SRPX: variants seen among roughly 807,000 people sequenced by gnomAD.
SRPX encodes the protein sushi repeat-containing protein SRPX.
SRPX carries 24 observed loss-of-function variants against 38.1 expected under a neutral mutation model. The observed-to-expected ratio is 0.63, with a 90% CI of 0.46 to 0.89. The LOEUF (loss-of-function observed/expected upper bound fraction) is 0.89. Among genes scored for constraint, SRPX ranks in the 40% least tolerant of loss-of-function variants. The probability of loss-of-function intolerance (pLI) is 0.00; values close to 1 mark genes in which losing one functional copy is unlikely to be tolerated. For synonymous variants in SRPX, 184 were observed against 153.8 expected, an observed-to-expected ratio of 1.20 and a Z score of -1.45; for missense variants, 416 against 377.8, an observed-to-expected ratio of 1.10 and a Z score of -0.84.
At chrX:38,220,498 G>T (rs1939496561) in intron 1 of SRPX, among the ~76,000 whole-genome samples, 198 bp downstream of exon 1, 1 of 113,786 alleles carries the variant, frequency 8.8e-6, no homozygotes, top group Admixed American at 9.2e-5. Context: ...CTGGAGATGG[G>T]ATGGTCAGTT....
intron 8 of SRPX, among the ~76,000 whole-genome samples, chrX:38,156,271 C>A (rs988789772): frequency 3.6e-5 from 4 of 111,707 alleles, no homozygotes; most frequent in African/African-American, 1.3e-4. Context: ...TGTTGGTTGC[C>A]TCATTTAGTA....
In SRPX at chrX:38,160,060, A is replaced by C; in HGVS notation, c.912T>G (p.Cys304Trp). ...YELQGSPARV[C>W]QSNLAWSGTE... ...TGCCAGACCAAGCCAGGTTGGATTG[A>C]CATACTCGGGCAGGGCTACCCTGGA... The change falls in exon 7 of 10, where the codon TGT (cysteine) becomes TGG (tryptophan). Residue 304 changes from cysteine (C) to tryptophan (W), a missense_variant. Cys to Trp is a radical substitution (Grantham distance 215). Transcript: ENST00000378533. 1 of 1,211,305 alleles carries C rather than the reference A, an allele frequency of 8.3e-7. No individual in the cohort carries two copies.
At chrX:38,207,699 C>G (rs1176583494) in intron 1 of SRPX, among the ~76,000 whole-genome samples, 1 of 112,263 alleles carries the variant, frequency 8.9e-6, no homozygotes, top group African/African-American at 3.2e-5. Flanking sequence ...ATACACTGAG[C>G]TGGAGAAGAG....
intron 1 of SRPX, among the ~76,000 whole-genome samples, chrX:38,195,164 T>C (rs1288513104): frequency 9.0e-6 from 1 of 110,664 alleles, no homozygotes; most frequent in East Asian, 2.8e-4. Context: ...TGAGCCACTT[T>C]ACCCGGCTGT....
intron 1 of SRPX, among the ~76,000 whole-genome samples, chrX:38,195,724 C>T (rs1400524494): frequency 8.9e-6 from 1 of 111,763 alleles, no homozygotes; most frequent in African/African-American, 3.3e-5. Context: ...GCCTTCCCAG[C>T]CTACTCCCAA....
chrX:38,174,396 C>A (rs747259693), intron 2 of SRPX, 45 bp from the exon 3 acceptor site: 1 of 968,587 alleles, frequency 1.0e-6, no homozygotes, highest in African/African-American at 2.0e-5. Context: ...TGAAATGACA[C>A]TTTCAGAAAA....
chrX:38,162,960 T>G (rs1422285871), intron 5 of SRPX, among the ~76,000 whole-genome samples: 2 of 112,691 alleles, frequency 1.8e-5, no homozygotes, highest in Non-Finnish European at 3.8e-5. Context: ...TCACACAGGT[T>G]TTTTCAACAG....
At chrX:38,172,849 C>T (rs1001562052) in intron 3 of SRPX, among the ~76,000 whole-genome samples, 2 of 112,785 alleles carry the variant, frequency 1.8e-5, no homozygotes, top group African/African-American at 3.2e-5. Flanking sequence ...AGGCTGCTCA[C>T]AGGAGATGCT....
At chrX:38,153,585 C>T (rs1938064251) in intron 9 of SRPX, among the ~76,000 whole-genome samples, 1 of 111,376 alleles carries the variant, frequency 9.0e-6, no homozygotes, top group Admixed American at 9.6e-5. Context: ...CTGCATTTCC[C>T]AGCCTCCCTT....
At chrX:38,190,959 G>A (rs768138990) in intron 1 of SRPX, among the ~76,000 whole-genome samples, 1 of 111,836 alleles carries the variant, frequency 8.9e-6, no homozygotes, top group East Asian at 2.8e-4. Context: ...GTGGTAAAAT[G>A]AGGAAGATGT....
At chrX:38,206,082 T>G (rs969550036) in intron 1 of SRPX, among the ~76,000 whole-genome samples, 1 of 113,132 alleles carries the variant, frequency 8.8e-6, no homozygotes, top group Non-Finnish European at 1.9e-5. Flanking sequence ...ATGCCTTAAG[T>G]GTCCTGGTAG....
chrX:38,212,640 G>A (rs1367482873), intron 1 of SRPX, among the ~76,000 whole-genome samples: 3 of 111,624 alleles, frequency 2.7e-5, no homozygotes, highest in African/African-American at 9.8e-5. Context: ...ACAGCTTTCT[G>A]TTTTGTTATT....
At chrX:38,181,603 G>A (rs1202060811) in intron 1 of SRPX, among the ~76,000 whole-genome samples, 1 of 111,534 alleles carries the variant, frequency 9.0e-6, no homozygotes, top group Non-Finnish European at 1.9e-5. Context: ...GATAGGAGGA[G>A]TTTCTGGCAT....
rs528283479 is a variant in SRPX at position 38,184,519 on chromosome X, G to A, written c.98-6175C>T. 5.0e-4 allele frequency among the ~76,000 whole-genome samples: 56 copies of A among 111,858 alleles called. 1 individual carries two copies. In the South Asian group the frequency reaches 0.021, roughly 41 times the overall value. On this transcript the variant is annotated intron_variant, in intron 1 of 9. Transcript: ENST00000378533. ...AACCTGAGGATCATGGCCTACTACAGAATTAATGAAAGGGCTTTGGAGGGC... is the reference window on the plus strand; with the variant it reads ...AACCTGAGGATCATGGCCTACTACAAAATTAATGAAAGGGCTTTGGAGGGC...
intron 4 of SRPX, among the ~76,000 whole-genome samples, chrX:38,170,102 T>C (rs944774793): frequency 3.6e-5 from 4 of 111,933 alleles, no homozygotes; most frequent in African/African-American, 1.3e-4. Flanking sequence ...AGAGAATTAA[T>C]TTTAACTTGT....
chrX:38,176,935 T>C (rs1222224791), intron 2 of SRPX, among the ~76,000 whole-genome samples: 1 of 111,516 alleles, frequency 9.0e-6, no homozygotes, highest in East Asian at 2.8e-4. Flanking sequence ...CCTAAGAAAA[T>C]TTATTCTTAA....
At position 38,161,061 on chromosome X, in the gene SRPX, G is replaced by A. The variant is rs1938247820; in HGVS notation, c.654-7C>T. 8.3e-7 allele frequency: 1 copy of A among 1,204,309 alleles called. No individual in the cohort carries two copies. The highest frequency in any genetic ancestry group is 1.1e-6 in the Non-Finnish European group (1 of 893,059). On this transcript the variant is annotated splice_polypyrimidine_tract_variant and splice_region_variant and intron_variant, in intron 5 of 9. Coordinates refer to ENST00000378533, the MANE Select transcript of SRPX (RefSeq NM_006307.5). ...GAGGCCTTTTAGAATGACACTTAGA[G>A]AAAAAAAATCAGAAACAGGAAAGAT...
intron 4 of SRPX, among the ~76,000 whole-genome samples, chrX:38,168,106 T>C (rs1311935001): frequency 9.0e-6 from 1 of 111,591 alleles, no homozygotes; most frequent in Non-Finnish European, 1.9e-5. Context: ...TGGAAATCCT[T>C]GACACATCTA....
intron 1 of SRPX, among the ~76,000 whole-genome samples, chrX:38,213,428 G>A (rs1303328151): frequency 1.8e-5 from 2 of 111,868 alleles, no homozygotes; most frequent in Non-Finnish European, 3.8e-5. Flanking sequence ...AAATGGTATA[G>A]AGAGGAAGCA....
Sources: gnomAD v4.1 joint callset for allele counts (sites outside exome capture counted in the v4.1 genomes callset) on GRCh38, gnomAD v4.1.1 for gene constraint, MANE v1.5 for transcripts, NCBI Gene and HGNC (gene_info 2026-07-23, HGNC 2026-07-21) for gene names.